The following CFAP77 variants were observed in gnomAD, a reference collection of about 807,000 sequenced individuals.
CFAP77 encodes the protein cilia- and flagella-associated protein 77.
In CFAP77, 25 loss-of-function variants were observed where a neutral mutation model predicts 31.1. That is an observed-to-expected ratio of 0.80 (90% confidence interval 0.59 to 1.12). The LOEUF (loss-of-function observed/expected upper bound fraction) is 1.12, where lower values mean the gene tolerates loss of function less well. Ranked by LOEUF, CFAP77 falls within the 50% of genes most tolerant of loss-of-function variation. The pLI, the probability that CFAP77 is intolerant of heterozygous loss-of-function variation, is 0.00. For synonymous variants in CFAP77, 151 were observed against 159.9 expected, an observed-to-expected ratio of 0.94 and a Z score of 0.42; for missense variants, 377 against 397.3, an observed-to-expected ratio of 0.95 and a Z score of 0.44.
chr9:132,493,341 G>A (rs985972194), intron 1 of CFAP77, among the ~76,000 whole-genome samples: 2 of 152,210 alleles, frequency 1.3e-5, no homozygotes, highest in Non-Finnish European at 2.9e-5. Flanking sequence ...GGGATTTCAG[G>A]ATGAGACTCT....
intron 4 of CFAP77, among the ~76,000 whole-genome samples, chr9:132,541,625 G>A (rs952942320): frequency 3.9e-5 from 6 of 152,160 alleles, no homozygotes; most frequent in Non-Finnish European, 8.8e-5. Context: ...TTGGGAGGCT[G>A]AGGCAGGAGA....
At chr9:132,422,462 C>T (rs146900638) in intron 1 of CFAP77, among the ~76,000 whole-genome samples, 9 of 152,320 alleles carry the variant, frequency 5.9e-5, no homozygotes, top group East Asian at 1.9e-4. Flanking sequence ...CCCAGCCCTT[C>T]GAGCTGAGGG....
At chr9:132,525,410 A>G (rs1852341259) in intron 3 of CFAP77, among the ~76,000 whole-genome samples, 1 of 152,220 alleles carries the variant, frequency 6.6e-6, no homozygotes, top group Non-Finnish European at 1.5e-5. Flanking sequence ...ATTTAAAAAA[A>G]ATTTTACTTT....
At chr9:132,484,867 T>A (rs1478264601) in intron 1 of CFAP77, among the ~76,000 whole-genome samples, 3 of 151,132 alleles carry the variant, frequency 2.0e-5, no homozygotes, top group East Asian at 3.9e-4. Flanking sequence ...TTTTTTTTTT[T>A]AGATGGAGTC....
At chr9:132,522,198 C>T (rs1852281139) in intron 3 of CFAP77, among the ~76,000 whole-genome samples, 1 of 152,202 alleles carries the variant, frequency 6.6e-6, no homozygotes, top group Non-Finnish European at 1.5e-5. Flanking sequence ...AGCCAGGGCC[C>T]CTGGACTTGG....
In CFAP77 at chr9:132,448,722, G is replaced by A. The variant is rs1850769630; in HGVS notation, c.195+38256G>A. Among the ~76,000 whole-genome samples the A allele has an allele frequency of 2.0e-5, 3 of 152,270 alleles. No individual in the cohort carries two copies. The South Asian group carries it at 6.2e-4, about 32-fold the overall frequency. ...CTGCCTCAGCCTCCTGAGTAGCTGGGATTGCAGGCATGCACCACCATATCC... is the reference window on the plus strand; with the variant it reads ...CTGCCTCAGCCTCCTGAGTAGCTGGAATTGCAGGCATGCACCACCATATCC... On this transcript the variant is annotated intron_variant, in intron 1 of 5. Coordinates refer to ENST00000393216, the MANE Select transcript of CFAP77 (RefSeq NM_001282957.2).
At chr9:132,514,348 A>G (rs1852106543) in intron 3 of CFAP77, among the ~76,000 whole-genome samples, 1 of 144,778 alleles carries the variant, frequency 6.9e-6, no homozygotes, top group Non-Finnish European at 1.5e-5. Flanking sequence ...ATCACCTTGG[A>G]AAAGGGGTAA....
chr9:132,547,833 C>T (rs969368231), intron 5 of CFAP77, among the ~76,000 whole-genome samples: 3 of 152,194 alleles, frequency 2.0e-5, no homozygotes, highest in Admixed American at 1.3e-4. Context: ...GTTTCCTTGC[C>T]TTTTGCAGAA....
At chr9:132,524,740 C>T (rs577206222) in intron 3 of CFAP77, among the ~76,000 whole-genome samples, 177 of 152,026 alleles carry the variant, frequency 1.2e-3, no homozygotes, top group African/African-American at 3.5e-3. Flanking sequence ...GCTCCGCCTC[C>T]CGGGTTCACA....
chr9:132,424,145 C>T lies in CFAP77; in HGVS notation c.195+13679C>T, dbSNP rs778901997. On this transcript the variant is annotated intron_variant, in intron 1 of 5. Transcript: ENST00000393216. This position sits in a 1 kb window ranked among gnomAD's most constrained non-coding sequence, Gnocchi z 4.1. ...TTAGGAGGCCGGGTGTGGTGGCTCA[C>T]GCCTGTAATCGCAGCACTTTGGGAG... Among the ~76,000 whole-genome samples, 8 of 152,160 alleles carry T rather than the reference C, an allele frequency of 5.3e-5. No homozygotes were observed. Among genetic ancestry groups the T allele is most frequent in the Non-Finnish European group, 7.3e-5 (5 of 68,040 alleles).
intron 1 of CFAP77, among the ~76,000 whole-genome samples, chr9:132,478,961 T>C (rs918991685): frequency 1.3e-5 from 2 of 152,322 alleles, no homozygotes; most frequent in South Asian, 2.1e-4. Flanking sequence ...ATGACTAGCA[T>C]TCCTGATTTT....
rs904052628 is a variant in CFAP77, at chr9:132,517,979, GT to G, written c.524+18383del. ...CCCCTTTTTCGCTTTATGGGACTGA[GT>G]TTTGACCCGGTTTTGTTGCTAGTGG... On this transcript the variant is annotated intron_variant, in intron 3 of 5. Coordinates refer to ENST00000393216, the MANE Select transcript of CFAP77 (RefSeq NM_001282957.2). This position sits in a 1 kb window ranked among gnomAD's most constrained non-coding sequence, Gnocchi z 4.7. 1.3e-5 allele frequency among the ~76,000 whole-genome samples: 2 copies of G among 152,180 alleles called. No homozygotes were observed. Among genetic ancestry groups the G allele is most frequent in the Non-Finnish European group, 2.9e-5 (2 of 68,028 alleles).
chr9:132,512,671 G>C (rs1278242364), intron 3 of CFAP77, among the ~76,000 whole-genome samples: 1 of 152,260 alleles, frequency 6.6e-6, no homozygotes, highest in Non-Finnish European at 1.5e-5. Context: ...TATAGGCCAG[G>C]CGTGGTGGCT....
At chr9:132,430,419 G>A (rs1314193522) in intron 1 of CFAP77, among the ~76,000 whole-genome samples, 1 of 152,082 alleles carries the variant, frequency 6.6e-6, no homozygotes, top group East Asian at 1.9e-4. Flanking sequence ...CCAAATCATA[G>A]CCTTAAGATA....
chr9:132,496,639 C>G lies in CFAP77; in HGVS notation c.196-2056C>G, dbSNP rs143180369. Among the ~76,000 whole-genome samples the G allele has an allele frequency of 5.3e-3, 803 of 152,318 alleles. 14 individuals are homozygous for G. The highest frequency in any genetic ancestry group is 0.018 in the African/African-American group (760 of 41,562). ...GCTTCTCAGCATGATGTTGCCAACT[C>G]TATCCATGCTACCGCGGGTACAACC... On this transcript the variant is annotated intron_variant, in intron 1 of 5. Transcript: ENST00000393216.
chr9:132,567,438 G>A (rs1185078607), intron 5 of CFAP77, among the ~76,000 whole-genome samples: 1 of 152,298 alleles, frequency 6.6e-6, no homozygotes, highest in Non-Finnish European at 1.5e-5. Flanking sequence ...TTCTCCTTTT[G>A]TCCTTGTGTG....
At chr9:132,519,973 C>T (rs971663657) in intron 3 of CFAP77, among the ~76,000 whole-genome samples, 2 of 151,674 alleles carry the variant, frequency 1.3e-5, no homozygotes, top group Non-Finnish European at 2.9e-5. Flanking sequence ...GACTAACGAA[C>T]GAGTGAACGT....
At chr9:132,494,906 T>C (rs1053969282) in intron 1 of CFAP77, among the ~76,000 whole-genome samples, 11 of 152,230 alleles carry the variant, frequency 7.2e-5, no homozygotes, top group Non-Finnish European at 1.6e-4. Flanking sequence ...TAACTCTTTA[T>C]ATATTATGGA....
At chr9:132,465,089 A>AG (rs1261047929) in intron 1 of CFAP77, among the ~76,000 whole-genome samples, 1 of 146,550 alleles carries the variant, frequency 6.8e-6, no homozygotes, top group Non-Finnish European at 1.5e-5. Context: ...AAAAAAAAAA[A>AG]AAAAGAAAAA....
Sources: allele counts gnomAD v4.1 joint callset (sites outside exome capture counted in the v4.1 genomes callset), GRCh38; gene constraint gnomAD v4.1.1; non-coding constraint Gnocchi (gnomAD v3.1); transcripts MANE v1.5; gene names NCBI Gene and HGNC (gene_info 2026-07-23, HGNC 2026-07-21).